ATP6V0D1: variants seen among roughly 807,000 people sequenced by gnomAD.
ATP6V0D1 encodes V-type proton ATPase subunit d 1.
Under a neutral mutation model 39.0 loss-of-function variants are expected in ATP6V0D1, and 13 were observed. The observed-to-expected ratio is 0.33, with a 90% CI of 0.22 to 0.53. The LOEUF (loss-of-function observed/expected upper bound fraction) is 0.53. Ranked by LOEUF, ATP6V0D1 falls within the 20% of genes least tolerant of loss-of-function variation. The probability of loss-of-function intolerance (pLI) is 0.94; values close to 1 mark genes in which losing one functional copy is unlikely to be tolerated. For missense variants in ATP6V0D1, 272 were observed against 470.9 expected (o/e 0.58, Z 3.91); for synonymous variants, 191 against 191.2 (o/e 1.00, Z 0.01).
chr16:67,464,840 C>G (rs1344076746), intron 1 of ATP6V0D1, among the ~76,000 whole-genome samples: 1 of 152,278 alleles, frequency 6.6e-6, no homozygotes, highest in Non-Finnish European at 1.5e-5. Flanking sequence ...GCCAGGAAAG[C>G]AGTGTCCAGC....
Position 67,438,868 on chromosome 16 carries a change from C to T in ATP6V0D1, c.819G>A (p.Glu273=), listed in dbSNP as rs891886446. The T allele has an allele frequency of 6.2e-7, 1 of 1,612,952 alleles. No individual in the cohort carries two copies. The highest frequency in any genetic ancestry group is 2.2e-5 in the East Asian group (1 of 44,800). The part of the protein sequence containing the change: ...QVKNVADYYP[E]YKLLFEGAGS... ...CTGCACCCTCGAAGAGCAGCTTGTA[C>T]TCCTGGCCAGGGGGGTGGGGGGAAG... The change falls in exon 7 of 8, where the codon GAG becomes GAA. Residue 273 remains glutamate (E), a splice_region_variant and synonymous_variant. Coordinates refer to ENST00000290949, the MANE Select transcript of ATP6V0D1 (RefSeq NM_004691.5).
intron 1 of ATP6V0D1, among the ~76,000 whole-genome samples, chr16:67,473,283 C>T (rs1023640662): frequency 6.6e-6 from 1 of 152,134 alleles, no homozygotes; most frequent in Non-Finnish European, 1.5e-5. Flanking sequence ...AATTTGCCAA[C>T]TTAAAGTGTA....
At chr16:67,458,622 G>A (rs778379973) in intron 1 of ATP6V0D1, among the ~76,000 whole-genome samples, 36 of 152,186 alleles carry the variant, frequency 2.4e-4, no homozygotes, top group Non-Finnish European at 4.1e-4. Flanking sequence ...CCCAACAACA[G>A]GAATGTCTGG....
At position 67,438,256 on chromosome 16, in the gene ATP6V0D1, G is replaced by C; in HGVS notation, c.*272C>G. ...TGACATGCTTCTTAGATACATCAGC[G>C]GCTGTAACCACAGGGCTGAGGGGGC... On this transcript the variant is annotated 3_prime_UTR_variant, in exon 8 of 8. Transcript: ENST00000290949. 4.0e-6 allele frequency: 2 copies of C among 499,072 alleles called. No individual in the cohort carries two copies. The highest frequency in any genetic ancestry group is 4.6e-5 in the South Asian group (2 of 43,292). The allele number at this position is 499,072 out of a possible 1,614,324, so 30.9% of individuals were successfully genotyped here. A position where few individuals can be genotyped will look rare whatever the true frequency, so the allele number is the denominator to read the frequency against.
chr16:67,466,326 T>TACACACACAC (rs536624557), intron 1 of ATP6V0D1, among the ~76,000 whole-genome samples: 29 of 120,580 alleles, frequency 2.4e-4, no homozygotes, highest in South Asian at 8.5e-4. Context: ...AGTAAACACA[T>TACACACACAC]ACACACACAC....
chr16:67,470,963 T>C (rs1340316803), intron 1 of ATP6V0D1, among the ~76,000 whole-genome samples: 1 of 152,090 alleles, frequency 6.6e-6, no homozygotes, highest in South Asian at 2.1e-4. Context: ...TAGTCCATAT[T>C]CTCCTACCTA....
At chr16:67,455,313 G>A (rs1348676996) in intron 1 of ATP6V0D1, 1 of 152,202 alleles carries the variant, frequency 6.6e-6, no homozygotes, top group Non-Finnish European at 1.5e-5. Flanking sequence ...GGGGACCCCT[G>A]TGATGCCCCT....
chr16:67,458,892 T>C (rs1405465596), intron 1 of ATP6V0D1: 2 of 204,404 alleles, frequency 9.8e-6, no homozygotes, highest in Non-Finnish European at 1.7e-5. Context: ...TCCCCCCAGC[T>C]CCATCTCCTG....
rs1035066826 is a variant in ATP6V0D1, at chr16:67,453,047, G to A, written c.302+497C>T. 8.5e-5 allele frequency among the ~76,000 whole-genome samples: 13 copies of A among 152,318 alleles called. No individual in the cohort carries two copies. The highest frequency in any genetic ancestry group is 2.1e-4 in the South Asian group (1 of 4,820). On this transcript the variant is annotated intron_variant, in intron 2 of 7. Transcript: ENST00000290949. This position sits in a 1 kb window ranked among gnomAD's most constrained non-coding sequence, Gnocchi z 4.1. Reference sequence around the variant, plus strand: ...CAATCTCCCTGAGACCCAGGGCCATGGTCAGAGCAGATAGAGAATGGGCCT... The same window carrying A: ...CAATCTCCCTGAGACCCAGGGCCATAGTCAGAGCAGATAGAGAATGGGCCT...
At chr16:67,448,608 C>T (rs759137591) in intron 2 of ATP6V0D1, among the ~76,000 whole-genome samples, 3 of 145,198 alleles carry the variant, frequency 2.1e-5, no homozygotes, top group Non-Finnish European at 4.4e-5. Context: ...TGCAGTGAGC[C>T]GAGAACGTGC....
At chr16:67,475,483 C>T (rs1223104659) in intron 1 of ATP6V0D1, among the ~76,000 whole-genome samples, 1 of 152,200 alleles carries the variant, frequency 6.6e-6, no homozygotes, top group Non-Finnish European at 1.5e-5. Context: ...GGCCCTTCAC[C>T]CATGGCCTCC....
chr16:67,467,178 C>T (rs1193207205), intron 1 of ATP6V0D1, among the ~76,000 whole-genome samples: 4 of 152,170 alleles, frequency 2.6e-5, no homozygotes, highest in African/African-American at 4.8e-5. Context: ...TTTCCTCCCC[C>T]ACACCCCCAA....
chr16:67,473,267 C>A lies in ATP6V0D1; in HGVS notation c.130+7690G>T, dbSNP rs145296374. Among the ~76,000 whole-genome samples the A allele has an allele frequency of 8.0e-3, 1,221 of 152,244 alleles. 9 individuals are homozygous for A. The highest frequency in any genetic ancestry group is 0.012 in the Non-Finnish European group (836 of 68,026). On this transcript the variant is annotated intron_variant, in intron 1 of 7. Transcript: ENST00000290949. Reference sequence around the variant, plus strand: ...GCTTTACTGAGATATAATTCATTTGCCATACAATTTGCCAACTTAAAGTGT... The same window carrying A: ...GCTTTACTGAGATATAATTCATTTGACATACAATTTGCCAACTTAAAGTGT...
chr16:67,454,310 G>A (rs769218558), intron 1 of ATP6V0D1, among the ~76,000 whole-genome samples: 12 of 152,240 alleles, frequency 7.9e-5, no homozygotes, highest in Non-Finnish European at 1.6e-4. Context: ...CAAGTGGCCT[G>A]CAGGGCAAAT....
At chr16:67,441,010 C>G (rs2041044193) in intron 4 of ATP6V0D1, 1 of 152,428 alleles carries the variant, frequency 6.6e-6, no homozygotes, top group Non-Finnish European at 1.5e-5. Flanking sequence ...ACAGCCTGCC[C>G]CAGTGGGGCC....
At position 67,452,604 on chromosome 16, in the gene ATP6V0D1, C is replaced by T. The variant is rs531781084; in HGVS notation, c.302+940G>A. Among the ~76,000 whole-genome samples, 7 of 152,336 alleles carry T rather than the reference C, an allele frequency of 4.6e-5. No homozygotes were observed. The South Asian group carries it at 1.4e-3, about 32-fold the overall frequency. ...AATGCTTCACCATACTGCACACTCACACTCTGCCAATGCAGGGTACTCTCC... is the reference window on the plus strand; with the variant it reads ...AATGCTTCACCATACTGCACACTCATACTCTGCCAATGCAGGGTACTCTCC... On this transcript the variant is annotated intron_variant, in intron 2 of 7. Transcript: ENST00000290949.
chr16:67,442,780 G>C (rs28661394), intron 4 of ATP6V0D1, among the ~76,000 whole-genome samples: 6,936 of 152,202 alleles, frequency 0.046, 519 homozygotes, highest in African/African-American at 0.16. Flanking sequence ...CAGGGGCCAC[G>C]GCCTGGGTGG....
chr16:67,457,735 G>T, intron 1 of ATP6V0D1: 1 of 956,308 alleles, frequency 1.0e-6, no homozygotes, highest in Non-Finnish European at 1.5e-6. Context: ...CCACTCCTGG[G>T]CTCAGCAAGG....
Position 67,444,508 on chromosome 16 carries a change from T to C in ATP6V0D1, c.481+20A>G. On this transcript the variant is annotated intron_variant, in intron 3 of 7. Transcript: ENST00000290949. This position sits in a 1 kb window ranked among gnomAD's most constrained non-coding sequence, Gnocchi z 4.8. Reference sequence around the variant, plus strand: ...TGCTGACACCACTGCCCACCTCCCATGACCACCACAGCGGCTCACCAAGAG... The same window carrying C: ...TGCTGACACCACTGCCCACCTCCCACGACCACCACAGCGGCTCACCAAGAG... 1 of 1,575,030 alleles carries C rather than the reference T, an allele frequency of 6.3e-7. No individual in the cohort carries two copies. Among genetic ancestry groups the C allele is most frequent in the Non-Finnish European group, 8.7e-7 (1 of 1,152,504 alleles).
Sources: gnomAD v4.1 joint callset for allele counts (sites outside exome capture counted in the v4.1 genomes callset) on GRCh38, gnomAD v4.1.1 for gene constraint, Gnocchi (gnomAD v3.1) non-coding constraint, MANE v1.5 for transcripts, NCBI Gene and HGNC (gene_info 2026-07-23, HGNC 2026-07-21) for gene names.